Variants in GAN observed in about 807,000 individuals in gnomAD.
GAN encodes the protein gigaxonin, also known as epididymis secretory sperm binding protein.
In GAN, 48 loss-of-function variants were observed where a neutral mutation model predicts 71.3. That is an observed-to-expected ratio of 0.67 (90% CI 0.53 to 0.86). The LOEUF is 0.86. Ranked by LOEUF, GAN falls within the 40% of genes least tolerant of loss-of-function variation. GAN has a pLI of 0.00. For synonymous variants in GAN, 386 were observed against 276.8 expected (o/e 1.39, Z -3.92); for missense variants, 928 against 770.1 (o/e 1.21, Z -2.43).
intron 1 of GAN, among the ~76,000 whole-genome samples, chr16:81,321,242 A>G (rs973594209): frequency 6.6e-6 from 1 of 152,210 alleles, no homozygotes; most frequent in Non-Finnish European, 1.5e-5. Context: ...TGTAGCATAG[A>G]GGGAAGTGTG....
rs765503261 is a variant in GAN at position 81,354,453 on chromosome 16, C to T, written c.331C>T (p.Leu111=). ...TIQDVVQAAD[L]LLLTDLKTLC... is the part of the protein sequence containing the mutation. The stretch of plus-strand genomic sequence containing the variant: ...CCAAGATGTTGTTCAGGCAGCTGAC[C>T]TGCTGCTACTGACGGACCTTAAAAC... Residue 111 remains leucine (L), a synonymous_variant, in exon 3 of 11, where the codon CTG becomes TTG. Transcript: ENST00000648994. 6 of 1,613,788 alleles carry T rather than the reference C, an allele frequency of 3.7e-6. No homozygotes were observed. In the African/African-American group the frequency reaches 8.0e-5, roughly 22 times the overall value.
intron 9 of GAN, among the ~76,000 whole-genome samples, chr16:81,376,638 G>A (rs1341159688): frequency 6.2e-5 from 1 of 16,144 alleles, no homozygotes; most frequent in African/African-American, 4.4e-4. Context: ...ATACATATAT[G>A]TGTGTATATA....
Position 81,363,804 on chromosome 16 carries a change from A to G in GAN, c.1097A>G (p.Asn366Ser), listed in dbSNP as rs1319709558. The change falls in exon 7 of 11, where the codon AAC (asparagine) becomes AGC (serine). Residue 366 changes from asparagine (N) to serine (S), a missense_variant. Physicochemically the swap from Asn to Ser is conservative, Grantham distance 46 (BLOSUM62 1). Transcript: ENST00000648994. ...ALPPMNEARH[N>S]FGIVEIDGML... The stretch of plus-strand genomic sequence containing the variant: ...CTAATGTAATTTCAGGCAAGACATA[A>G]CTTCGGAATTGTGGAGATAGATGGG... 2.5e-6 allele frequency: 4 copies of G among 1,613,736 alleles called. No individual in the cohort carries two copies. The highest frequency in any genetic ancestry group is 3.4e-6 in the Non-Finnish European group (4 of 1,179,752).
At chr16:81,373,093 AGCCACCTGCCTT>A (rs756793729) in intron 9 of GAN, among the ~76,000 whole-genome samples, 1 of 152,226 alleles carries the variant, frequency 6.6e-6, no homozygotes, top group Non-Finnish European at 1.5e-5. Flanking sequence ...AAAATGTGGA[AGCCACCTGCCTT>A]AGAAGAGTCT....
In GAN at chr16:81,356,790, C is replaced by G. The variant is rs753515891; in HGVS notation, c.639C>G (p.His213Gln). The change falls in exon 4 of 11, where the codon CAC (histidine) becomes CAG (glutamine). Residue 213 changes from histidine to glutamine, a missense_variant. Coordinates refer to ENST00000648994, the MANE Select transcript of GAN (RefSeq NM_022041.4). ...CTTTCTTCCCTCTTCTGCAGGTCCACATGAAGGATGTTATGTCAGCTCTGT... is the reference window on the plus strand; with the variant it reads ...CTTTCTTCCCTCTTCTGCAGGTCCAGATGAAGGATGTTATGTCAGCTCTGT... ...IAHDTEIRKV[H>Q]MKDVMSALWV... 6.2e-7 allele frequency: 1 copy of G among 1,607,824 alleles called. No individual in the cohort carries two copies. The highest frequency in any genetic ancestry group is 8.5e-7 in the Non-Finnish European group (1 of 1,174,234).
chr16:81,334,164 A>C (rs1211777176), intron 1 of GAN, among the ~76,000 whole-genome samples: 2 of 152,206 alleles, frequency 1.3e-5, no homozygotes, highest in Non-Finnish European at 2.9e-5. Context: ...GCTAAATACA[A>C]AATGCTACAT....
intron 1 of GAN, among the ~76,000 whole-genome samples, chr16:81,346,065 C>T (rs913503011): frequency 1.8e-4 from 27 of 152,194 alleles, no homozygotes; most frequent in African/African-American, 6.0e-4. Context: ...TCCTGAAGCT[C>T]CTCTATCTGA....
chr16:81,347,169 A>G (rs527340151), intron 1 of GAN, among the ~76,000 whole-genome samples: 1 of 152,290 alleles, frequency 6.6e-6, no homozygotes, highest in East Asian at 1.9e-4. Flanking sequence ...TCTTTCCTTC[A>G]CTTTTAATAA....
chr16:81,362,646 TTC>T (rs752087737), intron 6 of GAN, 35 bp downstream of exon 6: 89 of 1,068,110 alleles, frequency 8.3e-5, no homozygotes, highest in Non-Finnish European at 1.2e-4. Context: ...TTTGATGTGT[TTC>T]TCTTTCCCCT....
At chr16:81,336,061 C>T (rs1057158703) in intron 1 of GAN, among the ~76,000 whole-genome samples, 4 of 152,144 alleles carry the variant, frequency 2.6e-5, no homozygotes, top group African/African-American at 9.7e-5. Context: ...CTGTCTCCTA[C>T]CCTCAGCACT....
intron 1 of GAN, among the ~76,000 whole-genome samples, chr16:81,350,179 G>C (rs968378692): frequency 6.6e-6 from 1 of 152,030 alleles, no homozygotes; most frequent in Non-Finnish European, 1.5e-5. Flanking sequence ...CGCAATGTGA[G>C]GACAGTTAGT....
chr16:81,365,255 T>C, intron 8 of GAN, 95 bp from the exon 9 acceptor site: 1 of 1,573,740 alleles, frequency 6.4e-7, no homozygotes. Context: ...GCCCACGTAG[T>C]AATGCTGCAG....
Position 81,386,917 on chromosome 16 carries a change from G to C in GAN, c.*9321G>C, listed in dbSNP as rs1229681058. On this transcript the variant is annotated 3_prime_UTR_variant, in exon 11 of 11. Transcript: ENST00000648994. ...GCCGAGATGGTGCCGTTGCACTCCA[G>C]CCGGGCAACAAGGGCTAAACTCCAT... The C allele has an allele frequency of 6.6e-6, 1 of 151,582 alleles. No individual in the cohort carries two copies. The allele number at this position is 151,582 out of a possible 1,614,324, so 9.4% of individuals were successfully genotyped here.
intron 9 of GAN, among the ~76,000 whole-genome samples, chr16:81,376,535 GTATA>G (rs1904280938): frequency 6.8e-6 from 1 of 147,712 alleles, no homozygotes; most frequent in African/African-American, 2.5e-5. Flanking sequence ...ACATATATGT[GTATA>G]TGTATATACA....
In GAN at chr16:81,382,800, G is replaced by A. The variant is rs1477691757; in HGVS notation, c.*5204G>A. The A allele has an allele frequency of 7.2e-5, 11 of 152,068 alleles. No homozygotes were observed. Among genetic ancestry groups the A allele is most frequent in the Admixed American group, 5.9e-4 (9 of 15,266 alleles). 9.4% of individuals were successfully genotyped at this position (152,068 alleles called of 1,614,324 possible). A position where few individuals can be genotyped will look rare whatever the true frequency, so the allele number is the denominator to read the frequency against. ...TTTGCAAGTTAGCTGGTAAAACTTG[G>A]TAAAGTTTTGTGTTTTTCAGAAGGA... On this transcript the variant is annotated 3_prime_UTR_variant, in exon 11 of 11. Coordinates refer to ENST00000648994, the MANE Select transcript of GAN (RefSeq NM_022041.4).
intron 1 of GAN, among the ~76,000 whole-genome samples, chr16:81,329,935 C>T (rs1301222558): frequency 6.6e-6 from 1 of 152,218 alleles, no homozygotes; most frequent in African/African-American, 2.4e-5. Flanking sequence ...CCTCCCCCAG[C>T]CAGTGGGCTG....
chr16:81,366,949 C>G (rs1171303297), intron 9 of GAN, among the ~76,000 whole-genome samples: 1 of 152,206 alleles, frequency 6.6e-6, no homozygotes, highest in South Asian at 2.1e-4. Context: ...CTCGGCCTCC[C>G]AAGTAGCTGG....
chr16:81,317,093 G>T (rs1272102705), intron 1 of GAN, among the ~76,000 whole-genome samples: 1 of 152,164 alleles, frequency 6.6e-6, no homozygotes, highest in African/African-American at 2.4e-5. Context: ...TCCTCACCTC[G>T]TGATCCGCCC....
chr16:81,325,024 G>A (rs563979163), intron 1 of GAN, among the ~76,000 whole-genome samples: 2 of 151,818 alleles, frequency 1.3e-5, no homozygotes, highest in African/African-American at 4.8e-5. Context: ...GGGATGACTC[G>A]CAGCCAGGGA....
Sources: gnomAD v4.1 joint callset for allele counts (sites outside exome capture counted in the v4.1 genomes callset) on GRCh38, gnomAD v4.1.1 for gene constraint, MANE v1.5 for transcripts, NCBI Gene and HGNC (gene_info 2026-07-23, HGNC 2026-07-21) for gene names.